ZMYM2: variants seen among roughly 807,000 people sequenced by gnomAD.
ZMYM2 encodes the protein zinc finger MYM-type protein 2.
ZMYM2 carries 56 observed loss-of-function variants against 162.8 expected under a neutral mutation model. That is an observed-to-expected ratio of 0.34 (90% confidence interval 0.28 to 0.43). The LOEUF (loss-of-function observed/expected upper bound fraction) is 0.43. ZMYM2 is among the 20% of genes least tolerant of loss of function. ZMYM2 has a pLI of 1.00. For missense variants in ZMYM2, 1,275 were observed against 1,621.8 expected, an observed-to-expected ratio of 0.79 and a Z score of 3.67; for synonymous variants, 510 against 541.6, an observed-to-expected ratio of 0.94 and a Z score of 0.81.
intron 6 of ZMYM2, among the ~76,000 whole-genome samples, chr13:20,007,651 C>A (rs191191857): frequency 7.7e-6 from 1 of 129,940 alleles, no homozygotes; most frequent in Non-Finnish European, 1.6e-5. Flanking sequence ...AGACAAGTTT[C>A]GCTCTGTTGC....
the ZMYM2 span, among the ~76,000 whole-genome samples, chr13:19,917,866 CT>C: frequency 6.6e-6 from 1 of 152,078 alleles, no homozygotes; most frequent in African/African-American, 2.4e-5. Context: ...TGAGACCAGC[CT>C]GGCCAATATA....
chr13:20,050,437 C>T (rs1011064022), intron 12 of ZMYM2, among the ~76,000 whole-genome samples: 2 of 151,820 alleles, frequency 1.3e-5, no homozygotes, highest in Admixed American at 1.3e-4. Context: ...ACAGTTACTA[C>T]GAACTACAAA....
chr13:19,993,323 T>G lies in ZMYM2; in HGVS notation c.251T>G (p.Phe84Cys). ...GTAGCTGATCAAAGAACCATAACAT[T>G]TACATCATCAAAAAATGAAGAACTA... ...PVVADQRTIT[F>C]TSSKNEELQG... Residue 84 changes from phenylalanine to cysteine, a missense_variant, in exon 3 of 25, where the codon TTT (phenylalanine) becomes TGT (cysteine). Coordinates refer to ENST00000610343, the MANE Select transcript of ZMYM2 (RefSeq NM_197968.4). The G allele has an allele frequency of 6.2e-7, 1 of 1,613,796 alleles. No individual in the cohort carries two copies. The highest frequency in any genetic ancestry group is 8.5e-7 in the Non-Finnish European group (1 of 1,179,860).
the ZMYM2 span, among the ~76,000 whole-genome samples, chr13:19,923,690 T>TGA: frequency 1.6e-5 from 1 of 62,522 alleles, no homozygotes; most frequent in African/African-American, 5.4e-5. Flanking sequence ...TTTTTTTTTT[T>TGA]GATGGAGTCT....
At chr13:19,903,483 C>CAAAAAAAAAAAAAAAA in the ZMYM2 span, among the ~76,000 whole-genome samples, 6 of 83,712 alleles carry the variant, frequency 7.2e-5, no homozygotes, top group East Asian at 3.5e-4. Flanking sequence ...ACTAAAAATA[C>CAAAAAAAAAAAAAAAA]AAAAAAAAAA....
upstream of ZMYM2, among the ~76,000 whole-genome samples, chr13:19,956,757 G>C (rs1954536169): frequency 6.6e-6 from 1 of 152,222 alleles, no homozygotes; most frequent in Non-Finnish European, 1.5e-5. Context: ...TTATTTGGAA[G>C]TATTAGTCTA....
At chr13:19,868,452 G>T in the ZMYM2 span, among the ~76,000 whole-genome samples, 1 of 151,930 alleles carries the variant, frequency 6.6e-6, no homozygotes, top group African/African-American at 2.4e-5. Context: ...ATGTTCCATC[G>T]TTGCCTACAT....
chr13:19,963,062 C>T (rs928712857), intron 2 of ZMYM2, among the ~76,000 whole-genome samples: 1 of 152,080 alleles, frequency 6.6e-6, no homozygotes, highest in Non-Finnish European at 1.5e-5. Flanking sequence ...TGGTCTCGAA[C>T]TCCTGAGCTC....
chr13:20,055,012 T>C (rs201336188), intron 14 of ZMYM2, among the ~76,000 whole-genome samples: 4,265 of 122,682 alleles, frequency 0.035, 123 homozygotes, highest in East Asian at 0.16. Context: ...TTTTTTTTTT[T>C]CCCCCAACCA....
intron 14 of ZMYM2, among the ~76,000 whole-genome samples, chr13:20,058,156 A>G (rs1446541264): frequency 6.6e-6 from 1 of 152,190 alleles, no homozygotes; most frequent in African/African-American, 2.4e-5. Context: ...ATTTAAAGCC[A>G]TTTATCCAGC....
intron 21 of ZMYM2, among the ~76,000 whole-genome samples, chr13:20,074,199 TGTGTGTGTG>T: frequency 4.8e-5 from 1 of 20,908 alleles, no homozygotes; most frequent in Non-Finnish European, 1.4e-4. Flanking sequence ...TCAGAATTTG[TGTGTGTGTG>T]TGTGTGTGTG....
rs193219794 is a variant in ZMYM2, at chr13:20,029,030, A to G, written c.1851+1712A>G. ...ATTTTGAACTTTATATCTTCATTAG[A>G]TATTTTCCTTTTAAAAGTAAGATAA... On this transcript the variant is annotated intron_variant, in intron 9 of 24. Coordinates refer to ENST00000610343, the MANE Select transcript of ZMYM2 (RefSeq NM_197968.4). 1.1e-4 allele frequency among the ~76,000 whole-genome samples: 17 copies of G among 152,294 alleles called. No individual in the cohort carries two copies. The East Asian group carries it at 3.3e-3, about 29-fold the overall frequency.
At chr13:20,056,462 A>G (rs1206779894) in intron 14 of ZMYM2, among the ~76,000 whole-genome samples, 2 of 152,282 alleles carry the variant, frequency 1.3e-5, no homozygotes, top group East Asian at 3.9e-4. Flanking sequence ...CCCCTCAGAC[A>G]GGGCATTTTA....
At chr13:20,057,557 A>G (rs2140704560) in intron 14 of ZMYM2, among the ~76,000 whole-genome samples, 1 of 152,286 alleles carries the variant, frequency 6.6e-6, no homozygotes, top group Middle Eastern at 3.4e-3. Context: ...ACTGTACAAT[A>G]TGTGTGGAGT....
intron 2 of ZMYM2, among the ~76,000 whole-genome samples, chr13:19,961,413 A>G (rs1179099910): frequency 6.6e-6 from 1 of 152,188 alleles, no homozygotes; most frequent in Admixed American, 6.5e-5. Context: ...ATTGTTTTCT[A>G]AATATTGCTA....
chr13:19,967,962 C>T (rs1479708582), intron 2 of ZMYM2, among the ~76,000 whole-genome samples: 3 of 152,154 alleles, frequency 2.0e-5, no homozygotes, highest in Admixed American at 6.5e-5. Flanking sequence ...TTTCATTAGT[C>T]TGCAGTGCTT....
At chr13:19,913,770 A>C in the ZMYM2 span, among the ~76,000 whole-genome samples, 6 of 152,304 alleles carry the variant, frequency 3.9e-5, no homozygotes, top group African/African-American at 1.2e-4. Context: ...AAACCAAAAA[A>C]CAAACAAACA....
At chr13:20,020,575 G>A (rs1487844957) in intron 7 of ZMYM2, among the ~76,000 whole-genome samples, 1 of 151,898 alleles carries the variant, frequency 6.6e-6, no homozygotes, top group Non-Finnish European at 1.5e-5. Context: ...CTCTTCTTCT[G>A]AGACCCCAAT....
At chr13:20,046,801 C>CG (rs917357801) in intron 12 of ZMYM2, among the ~76,000 whole-genome samples, 8 of 151,468 alleles carry the variant, frequency 5.3e-5, no homozygotes, top group Admixed American at 2.6e-4. Context: ...TTGTAGATGT[C>CG]GTGTGTTCCA....
Sources: allele counts gnomAD v4.1 joint callset (sites outside exome capture counted in the v4.1 genomes callset), GRCh38; gene constraint gnomAD v4.1.1; transcripts MANE v1.5; gene names NCBI Gene and HGNC (gene_info 2026-07-23, HGNC 2026-07-21).